PMEPA1: variants seen among roughly 807,000 people sequenced by gnomAD.
PMEPA1 encodes the protein protein TMEPAI.
PMEPA1 carries 11 observed loss-of-function variants against 23.0 expected under a neutral mutation model. The observed-to-expected ratio is 0.48, with a 90% confidence interval of 0.30 to 0.79. The LOEUF (loss-of-function observed/expected upper bound fraction) is 0.79, where lower values mean the gene tolerates loss of function less well. PMEPA1 is among the 30% of genes least tolerant of loss of function. PMEPA1 has a pLI of 0.06. For synonymous variants in PMEPA1, 204 were observed against 166.4 expected (o/e 1.23, Z -1.74); for missense variants, 377 against 390.9 (o/e 0.96, Z 0.30).
chr20:57,648,474 A>G lies in PMEPA1; in HGVS notation c.*3579T>C, dbSNP rs1315851721. Reference sequence around the variant, plus strand: ...ATCATTGCCACTAATGATTACTGATACACAACAAGCAGTTTCTTCAGGCCT... The same window carrying G: ...ATCATTGCCACTAATGATTACTGATGCACAACAAGCAGTTTCTTCAGGCCT... On this transcript the variant is annotated 3_prime_UTR_variant, in exon 4 of 4. Transcript: ENST00000341744. The G allele has an allele frequency of 3.3e-5, 5 of 152,788 alleles. No individual in the cohort carries two copies. The highest frequency in any genetic ancestry group is 1.9e-4 in the East Asian group (1 of 5,192). 9.5% of individuals were successfully genotyped at this position (152,788 alleles called of 1,614,324 possible).
intron 1 of PMEPA1, among the ~76,000 whole-genome samples, chr20:57,679,316 T>C (rs998467432): frequency 1.3e-5 from 2 of 152,292 alleles, no homozygotes; most frequent in East Asian, 1.9e-4. Context: ...AGCATGAAGA[T>C]ACAATGAGGA....
At chr20:57,660,810 A>T (rs936351777) in intron 1 of PMEPA1, among the ~76,000 whole-genome samples, 1 of 151,206 alleles carries the variant, frequency 6.6e-6, no homozygotes, top group Non-Finnish European at 1.5e-5. Flanking sequence ...ACAACACTAC[A>T]TACTCCAACA....
intron 2 of PMEPA1, among the ~76,000 whole-genome samples, chr20:57,657,159 C>T (rs527908846): frequency 9.2e-5 from 14 of 152,300 alleles, no homozygotes; most frequent in Non-Finnish European, 1.2e-4. Context: ...CCTCTGGGTA[C>T]GGTACACTCT....
chr20:57,710,549 C>G (rs1220002830), upstream of PMEPA1: 5 of 1,426,962 alleles, frequency 3.5e-6, no homozygotes, highest in Admixed American at 6.2e-5. Flanking sequence ...CGCTTTCACC[C>G]GAACCCAAGG....
At chr20:57,675,557 T>C (rs1349669711) in intron 1 of PMEPA1, among the ~76,000 whole-genome samples, 2 of 152,102 alleles carry the variant, frequency 1.3e-5, no homozygotes, top group Non-Finnish European at 2.9e-5. Flanking sequence ...GGCGGGGCAT[T>C]CCTTGCTACG....
At chr20:57,674,230 C>A (rs1323530835) in intron 1 of PMEPA1, among the ~76,000 whole-genome samples, 2 of 152,148 alleles carry the variant, frequency 1.3e-5, no homozygotes, top group African/African-American at 4.8e-5. Context: ...GATTAGTGAC[C>A]TGATAAGAAG....
chr20:57,686,016 C>A (rs556687388), intron 1 of PMEPA1, among the ~76,000 whole-genome samples: 139 of 152,204 alleles, frequency 9.1e-4, no homozygotes, highest in African/African-American at 3.3e-3. Context: ...AAGGGTGTGG[C>A]CCGGGGACAC....
At chr20:57,710,106 C>T (rs978666617), upstream of PMEPA1, 135 of 886,162 alleles carry the variant, frequency 1.5e-4, 1 homozygote, top group African/African-American at 2.1e-3. Flanking sequence ...TTCCCCCGCA[C>T]CCCCTCCCCG....
chr20:57,705,074 A>T (rs1185199277), intron 1 of PMEPA1, among the ~76,000 whole-genome samples: 1 of 152,130 alleles, frequency 6.6e-6, no homozygotes, highest in East Asian at 1.9e-4. Context: ...ACCCAAAGAG[A>T]AGAGGGCAGG....
chr20:57,678,487 G>T (rs1466315374), intron 1 of PMEPA1, among the ~76,000 whole-genome samples: 1 of 152,236 alleles, frequency 6.6e-6, no homozygotes, highest in Non-Finnish European at 1.5e-5. Context: ...GCCCAGGCCT[G>T]GCACTGGGGG....
intron 1 of PMEPA1, among the ~76,000 whole-genome samples, chr20:57,696,665 C>G (rs1014329746): frequency 6.6e-6 from 1 of 152,196 alleles, no homozygotes; most frequent in Non-Finnish European, 1.5e-5. Context: ...GGGTTCATTC[C>G]CTAAATACTG....
intron 1 of PMEPA1, among the ~76,000 whole-genome samples, chr20:57,694,570 T>C (rs1317516844): frequency 6.6e-6 from 1 of 152,196 alleles, no homozygotes; most frequent in East Asian, 1.9e-4. Flanking sequence ...AGGACACAGA[T>C]GGGTGCAGTG....
chr20:57,677,803 C>A (rs1377253659), intron 1 of PMEPA1, among the ~76,000 whole-genome samples: 2 of 152,166 alleles, frequency 1.3e-5, no homozygotes, highest in African/African-American at 4.8e-5. Context: ...ATCCAGATGT[C>A]CCTCAACAGG....
intron 1 of PMEPA1, among the ~76,000 whole-genome samples, chr20:57,661,636 G>C (rs1261314882): frequency 1.3e-5 from 2 of 152,154 alleles, no homozygotes; most frequent in African/African-American, 4.8e-5. Context: ...GTGTCAGGTG[G>C]CAACTGGAGA....
chr20:57,652,390 A>G lies in PMEPA1; in HGVS notation c.527T>C (p.Leu176Pro). 1 of 1,613,738 alleles carries G rather than the reference A, an allele frequency of 6.2e-7. No homozygotes were observed. Among genetic ancestry groups the G allele is most frequent in the Non-Finnish European group, 8.5e-7 (1 of 1,179,922 alleles). The part of the protein sequence containing the change: ...TLQLRDPEQQ[L>P]ELNRESVRAP... The stretch of plus-strand genomic sequence containing the variant: ...GCGCACCGACTCCCGGTTCAGTTCC[A>G]GCTGCTGCTCGGGGTCCCGAAGCTG... Residue 176 changes from leucine (L) to proline (P), a missense_variant, in exon 4 of 4, where the codon CTG becomes CCG. Leu to Pro is a moderately conservative substitution (Grantham distance 98). Coordinates refer to ENST00000341744, the MANE Select transcript of PMEPA1 (RefSeq NM_020182.5). The surrounding 1 kb of genome is among the most constrained non-coding windows in gnomAD (Gnocchi z 6.1).
chr20:57,676,318 C>T (rs1292154567), intron 1 of PMEPA1, among the ~76,000 whole-genome samples: 1 of 152,202 alleles, frequency 6.6e-6, no homozygotes, highest in East Asian at 1.9e-4. Flanking sequence ...GTGAACTCAA[C>T]AGGGACATAG....
At chr20:57,690,461 C>T (rs978556003) in intron 1 of PMEPA1, 15 of 1,303,908 alleles carry the variant, frequency 1.2e-5, no homozygotes, top group Admixed American at 1.1e-4. Context: ...TTGAATTTTT[C>T]GTTAAATAAG....
At chr20:57,661,702 C>T (rs903771368) in intron 1 of PMEPA1, among the ~76,000 whole-genome samples, 9 of 152,182 alleles carry the variant, frequency 5.9e-5, no homozygotes, top group African/African-American at 2.2e-4. Context: ...ACAGCCCAGG[C>T]AAGCACACTC....
chr20:57,690,474 G>A (rs1212940270), intron 1 of PMEPA1: 20 of 1,303,540 alleles, frequency 1.5e-5, no homozygotes, highest in Non-Finnish European at 1.9e-5. Flanking sequence ...TAAATAAGGA[G>A]TGTATATCAC....
Sources: allele counts gnomAD v4.1 joint callset (sites outside exome capture counted in the v4.1 genomes callset), GRCh38; gene constraint gnomAD v4.1.1; non-coding constraint Gnocchi (gnomAD v3.1); transcripts MANE v1.5; gene names NCBI Gene and HGNC (gene_info 2026-07-23, HGNC 2026-07-21).